Variants in CUL2 observed in about 807,000 individuals in gnomAD.
CUL2 encodes cullin-2.
In CUL2, 22 loss-of-function variants were observed where a neutral mutation model predicts 110.2. That is an observed-to-expected ratio of 0.20 (90% CI 0.14 to 0.28). The LOEUF is 0.28. Ranked by LOEUF, CUL2 falls within the 10% of genes least tolerant of loss-of-function variation. The probability of loss-of-function intolerance (pLI) is 1.00; values close to 1 mark genes in which losing one functional copy is unlikely to be tolerated. For missense variants in CUL2, 631 were observed against 905.5 expected (o/e 0.70, Z 3.89); for synonymous variants, 279 against 293.2 (o/e 0.95, Z 0.49).
At position 35,021,242 on chromosome 10, in the gene CUL2, T is replaced by TTTTC. The variant is rs201677936; in HGVS notation, c.1684+3886_1684+3889dup. On this transcript the variant is annotated intron_variant, in intron 17 of 20. Coordinates refer to ENST00000374749, the MANE Select transcript of CUL2 (RefSeq NM_003591.4). ...AACCTCCATGTTAATCTGCAGCATG[T>TTTTC]TTTCTTTCTTTCTTTCTTTCTTTTT... 3.4e-4 allele frequency among the ~76,000 whole-genome samples: 50 copies of TTTTC among 149,056 alleles called. No homozygotes were observed. The East Asian group carries it at 3.8e-3, about 11-fold the overall frequency.
Position 35,016,043 on chromosome 10 carries a change from G to A in CUL2, c.1887+149C>T, listed in dbSNP as rs117793784. The A allele has an allele frequency of 4.9e-3, 3,185 of 648,182 alleles. 19 individuals are homozygous for A. Among genetic ancestry groups the A allele is most frequent in the Middle Eastern group, 6.9e-3 (16 of 2,326 alleles). The allele number at this position is 648,182 out of a possible 1,614,324, so 40.2% of individuals were successfully genotyped here. A position where few individuals can be genotyped will look rare whatever the true frequency, so the allele number is the denominator to read the frequency against. ...CATGCTCTGTGATGCCTTAACGCTC[G>A]CAGCTCTATGGAGCGTACAGTAACG... On this transcript the variant is annotated intron_variant, in intron 18 of 20. Coordinates refer to ENST00000374749, the MANE Select transcript of CUL2 (RefSeq NM_003591.4).
At chr10:35,013,910 T>C in intron 18 of CUL2, 110 bp from the exon 19 acceptor site, 2 of 702,574 alleles carry the variant, frequency 2.8e-6, no homozygotes, top group Non-Finnish European at 4.1e-6. Flanking sequence ...GCCTCCACTC[T>C]CATAACTTTT....
intron 8 of CUL2, among the ~76,000 whole-genome samples, chr10:35,042,328 T>C (rs759442192): frequency 6.6e-6 from 1 of 152,204 alleles, no homozygotes; most frequent in Non-Finnish European, 1.5e-5. Context: ...TTGTATCATG[T>C]ATAACTTCAA....
intron 8 of CUL2, among the ~76,000 whole-genome samples, chr10:35,043,328 T>C (rs996254733): frequency 6.6e-6 from 1 of 151,452 alleles, no homozygotes; most frequent in Non-Finnish European, 1.5e-5. Flanking sequence ...CAATAAGGGC[T>C]AAGAGCTTAG....
chr10:35,068,867 T>C (rs572271674), intron 2 of CUL2, among the ~76,000 whole-genome samples: 11 of 152,202 alleles, frequency 7.2e-5, no homozygotes, highest in African/African-American at 2.4e-4. Flanking sequence ...TAGCATAGTC[T>C]TTTATTTATT....
intron 8 of CUL2, among the ~76,000 whole-genome samples, chr10:35,044,235 TCTAAA>T (rs1211488231): frequency 6.6e-6 from 1 of 152,010 alleles, no homozygotes; most frequent in Non-Finnish European, 1.5e-5. Flanking sequence ...TATCCTATTC[TCTAAA>T]CTAACCACTA....
At chr10:35,096,233 G>C (rs868287671) in intron 2 of CUL2, among the ~76,000 whole-genome samples, 11 of 151,396 alleles carry the variant, frequency 7.3e-5, no homozygotes, top group African/African-American at 2.7e-4. Flanking sequence ...ACAGAGTAAG[G>C]CTCTGTCTCA....
chr10:35,028,833 C>A lies in CUL2; in HGVS notation c.1594G>T (p.Glu532Ter). 6.2e-7 allele frequency: 1 copy of A among 1,611,208 alleles called. No homozygotes were observed. The highest frequency in any genetic ancestry group is 1.1e-5 in the South Asian group (1 of 90,726). ...APSSTFAIPQ[E>*]LEKSVQMFEL... ...ACCATCTGTACACTTTTTTCTAATT[C>A]CTGGGGAATTGCAAACGTAGATGAA... The change falls in exon 16 of 21, where the codon GAA becomes TAA. Residue 532 changes from glutamate (E) to a stop codon, truncating the protein, a stop_gained. Coordinates refer to ENST00000374749, the MANE Select transcript of CUL2 (RefSeq NM_003591.4). LOFTEE classifies it high-confidence loss of function.
chr10:35,112,472 G>A (rs1384384376), intron 1 of CUL2, among the ~76,000 whole-genome samples: 3 of 152,180 alleles, frequency 2.0e-5, no homozygotes, highest in African/African-American at 7.2e-5. Context: ...TGGCTCTCTG[G>A]CTAAGTTGAG....
At chr10:35,067,766 T>C (rs1448837466) in intron 2 of CUL2, among the ~76,000 whole-genome samples, 1 of 150,956 alleles carries the variant, frequency 6.6e-6, no homozygotes, top group African/African-American at 2.4e-5. Flanking sequence ...AAATTCACCA[T>C]TATTGTTTAT....
chr10:35,017,125 G>T (rs2085056549), intron 17 of CUL2, among the ~76,000 whole-genome samples: 1 of 152,032 alleles, frequency 6.6e-6, no homozygotes, highest in African/African-American at 2.4e-5. Flanking sequence ...TAAGGTTCAA[G>T]CCTCCTGGGA....
At chr10:35,114,924 C>A (rs2087574171) in intron 1 of CUL2, among the ~76,000 whole-genome samples, 1 of 152,052 alleles carries the variant, frequency 6.6e-6, no homozygotes, top group Non-Finnish European at 1.5e-5. Context: ...AAATGGAGCA[C>A]AAAGAAGCTG....
chr10:35,086,179 ACT>A (rs2087060037), intron 1 of CUL2, among the ~76,000 whole-genome samples: 1 of 146,384 alleles, frequency 6.8e-6, no homozygotes, highest in Non-Finnish European at 1.5e-5. Flanking sequence ...AGACTGAGAG[ACT>A]CTGTCTCAAA....
chr10:35,037,169 A>G (rs2085643503), intron 9 of CUL2, among the ~76,000 whole-genome samples: 1 of 152,216 alleles, frequency 6.6e-6, no homozygotes. Context: ...CATTTAGAGA[A>G]AAAACTCAAT....
At chr10:35,104,891 A>G (rs917165118) in intron 1 of CUL2, among the ~76,000 whole-genome samples, 12 of 151,728 alleles carry the variant, frequency 7.9e-5, no homozygotes, top group African/African-American at 2.7e-4. Flanking sequence ...CACCACACCC[A>G]GCTAATTTTG....
intron 1 of CUL2, among the ~76,000 whole-genome samples, chr10:35,106,406 G>C (rs982064499): frequency 6.6e-6 from 1 of 151,440 alleles, no homozygotes; most frequent in African/African-American, 2.4e-5. Context: ...TGCAAGCTCC[G>C]CCTCTCAGGT....
intron 6 of CUL2, among the ~76,000 whole-genome samples, chr10:35,047,762 C>G (rs1450984043): frequency 6.7e-6 from 1 of 149,680 alleles, no homozygotes; most frequent in Non-Finnish European, 1.5e-5. Flanking sequence ...ACTAAAAATA[C>G]AAAAATTAGC....
chr10:35,025,776 A>G (rs2085323318), intron 16 of CUL2, among the ~76,000 whole-genome samples: 1 of 152,220 alleles, frequency 6.6e-6, no homozygotes, highest in Admixed American at 6.5e-5. Context: ...AAAAATACAG[A>G]GTTCTTTTTT....
chr10:35,058,550 TCGATTCTTAGCTGATAATTCCCAGGCA>T (rs1355748731), intron 4 of CUL2, among the ~76,000 whole-genome samples: 2 of 152,206 alleles, frequency 1.3e-5, no homozygotes, highest in Non-Finnish European at 2.9e-5. Flanking sequence ...CTGATAAGTG[TCGATTCTTAGCTGATAATTCCCAGGCA>T]CAGAGCAAAG....
Sources: allele counts gnomAD v4.1 joint callset (sites outside exome capture counted in the v4.1 genomes callset), GRCh38; gene constraint gnomAD v4.1.1; transcripts MANE v1.5; gene names NCBI Gene and HGNC (gene_info 2026-07-23, HGNC 2026-07-21).